The following ATP8A2 variants were observed in gnomAD, a reference collection of about 807,000 sequenced individuals.
ATP8A2 encodes the protein ATPase phospholipid transporting 8A2.
In ATP8A2, 100 loss-of-function variants were observed where a neutral mutation model predicts 165.6. The observed-to-expected ratio is 0.60, with a 90% confidence interval of 0.51 to 0.71. The LOEUF (loss-of-function observed/expected upper bound fraction) is 0.71. Among genes scored for constraint, ATP8A2 ranks in the 30% least tolerant of loss-of-function variants. The probability of loss-of-function intolerance (pLI) is 0.00; values close to 1 mark genes in which losing one functional copy is unlikely to be tolerated. For synonymous variants in ATP8A2, 543 were observed against 548.8 expected (o/e 0.99, Z 0.15); for missense variants, 1,227 against 1,479.5 (o/e 0.83, Z 2.80).
chr13:25,758,988 A>AAG (rs890421365), intron 25 of ATP8A2, among the ~76,000 whole-genome samples: 2 of 152,084 alleles, frequency 1.3e-5, no homozygotes, highest in Non-Finnish European at 2.9e-5. Context: ...AAGAGAGAGA[A>AAG]AGAGAGAGAG....
chr13:25,994,753 G>T (rs1436806258), intron 35 of ATP8A2, among the ~76,000 whole-genome samples: 1 of 151,948 alleles, frequency 6.6e-6, no homozygotes, highest in Non-Finnish European at 1.5e-5. Context: ...TGTAATTCTT[G>T]TTATATGTTG....
chr13:25,513,983 A>AGGGGGG (rs2037378843), intron 2 of ATP8A2, among the ~76,000 whole-genome samples: 1 of 17,530 alleles, frequency 5.7e-5, no homozygotes, highest in Non-Finnish European at 1.1e-4. Flanking sequence ...GGAGTGGGAG[A>AGGGGGG]GGGGGAGGGG....
At chr13:25,525,171 T>TA (rs969688365) in intron 2 of ATP8A2, among the ~76,000 whole-genome samples, 9 of 152,140 alleles carry the variant, frequency 5.9e-5, no homozygotes, top group African/African-American at 1.9e-4. Context: ...AACAATAAAC[T>TA]AAAAAAACCT....
intron 33 of ATP8A2, among the ~76,000 whole-genome samples, chr13:25,944,232 G>A (rs545494652): frequency 1.8e-4 from 27 of 152,322 alleles, no homozygotes; most frequent in Non-Finnish European, 5.9e-5. Flanking sequence ...TAAGAGCTGG[G>A]CGGGTGGCTC....
At chr13:25,417,085 T>G (rs2034153291) in intron 1 of ATP8A2, among the ~76,000 whole-genome samples, 1 of 152,166 alleles carries the variant, frequency 6.6e-6, no homozygotes, top group Non-Finnish European at 1.5e-5. Flanking sequence ...ATCAGAACTT[T>G]AATTATGAAG....
At chr13:25,840,942 C>A (rs905137043) in intron 30 of ATP8A2, among the ~76,000 whole-genome samples, 1 of 152,188 alleles carries the variant, frequency 6.6e-6, no homozygotes, top group African/African-American at 2.4e-5. Flanking sequence ...TCTGAAGACC[C>A]CTTACCACTT....
chr13:25,438,898 G>T (rs779191630), intron 1 of ATP8A2, among the ~76,000 whole-genome samples: 5 of 152,188 alleles, frequency 3.3e-5, no homozygotes, highest in Non-Finnish European at 7.3e-5. Context: ...AAGGATAAGA[G>T]AAAATAGGAG....
At chr13:25,838,081 A>AG (rs1320720490) in intron 29 of ATP8A2, among the ~76,000 whole-genome samples, 1 of 152,260 alleles carries the variant, frequency 6.6e-6, no homozygotes, top group Admixed American at 6.5e-5. Flanking sequence ...GTCTTTGCGC[A>AG]GGGGGGATTC....
intron 2 of ATP8A2, among the ~76,000 whole-genome samples, chr13:25,527,042 T>A (rs992979846): frequency 2.0e-5 from 3 of 152,138 alleles, no homozygotes; most frequent in Non-Finnish European, 4.4e-5. Context: ...TTTTTACTTC[T>A]CTGTGGCACT....
At position 25,399,927 on chromosome 13, in the gene ATP8A2, T is replaced by C. The variant is rs1593255905; in HGVS notation, c.76+27639T>C. Reference sequence around the variant, plus strand: ...TCTTCTCCTCCTTTTTCTTCTTCCTTTTCTCCTTCTCTTTCTCCTTTTTCC... The same window carrying C: ...TCTTCTCCTCCTTTTTCTTCTTCCTCTTCTCCTTCTCTTTCTCCTTTTTCC... On this transcript the variant is annotated intron_variant, in intron 1 of 36. Coordinates refer to ENST00000381655, the MANE Select transcript of ATP8A2 (RefSeq NM_016529.6). 4.3e-4 allele frequency among the ~76,000 whole-genome samples: 4 copies of C among 9,224 alleles called. No individual in the cohort carries two copies. In the East Asian group the frequency reaches 0.057, roughly 132 times the overall value. 6.1% of individuals were successfully genotyped at this position (9,224 alleles called of 152,430 possible).
intron 33 of ATP8A2, among the ~76,000 whole-genome samples, chr13:25,914,641 A>G (rs908510968): frequency 1.3e-5 from 2 of 152,118 alleles, no homozygotes; most frequent in Admixed American, 6.6e-5. Context: ...CTGCTCAACT[A>G]CAGCAGTTAC....
intron 2 of ATP8A2, among the ~76,000 whole-genome samples, chr13:25,517,386 T>G (rs538124377): frequency 3.9e-4 from 60 of 152,316 alleles, no homozygotes; most frequent in Non-Finnish European, 7.3e-4. Context: ...GCATGCTCAG[T>G]GGTCAAAATG....
chr13:25,493,589 CAG>C (rs2036588900), intron 2 of ATP8A2, among the ~76,000 whole-genome samples: 1 of 152,162 alleles, frequency 6.6e-6, no homozygotes, highest in Non-Finnish European at 1.5e-5. Flanking sequence ...GTTGATCTTG[CAG>C]AGTCTGTGGA....
At chr13:25,977,943 G>A (rs1956094937) in intron 35 of ATP8A2, among the ~76,000 whole-genome samples, 2 of 152,160 alleles carry the variant, frequency 1.3e-5, no homozygotes, top group African/African-American at 4.8e-5. Context: ...GTATTTCCAG[G>A]ATGACTTGAG....
intron 33 of ATP8A2, chr13:25,863,366 G>C (rs773374846): frequency 2.0e-5 from 3 of 152,530 alleles, no homozygotes; most frequent in Non-Finnish European, 4.4e-5. Context: ...AGGCCTGCCT[G>C]GTCCTCTCTC....
chr13:25,686,957 G>C (rs145461678), intron 24 of ATP8A2, among the ~76,000 whole-genome samples: 5 of 152,242 alleles, frequency 3.3e-5, no homozygotes, highest in African/African-American at 7.2e-5. Context: ...TTGGAGTTTT[G>C]TGCACAGCTG....
chr13:25,456,948 T>C (rs1234082602), intron 1 of ATP8A2, among the ~76,000 whole-genome samples: 1 of 152,146 alleles, frequency 6.6e-6, no homozygotes, highest in Non-Finnish European at 1.5e-5. Flanking sequence ...ACCCATAAAA[T>C]ACACTAACAC....
At chr13:25,818,360 A>G (rs1951080881) in intron 27 of ATP8A2, among the ~76,000 whole-genome samples, 1 of 152,218 alleles carries the variant, frequency 6.6e-6, no homozygotes, top group African/African-American at 2.4e-5. Context: ...AAGTATCAGT[A>G]ATATAATAAG....
chr13:25,968,019 G>A (rs1426073375), intron 34 of ATP8A2, among the ~76,000 whole-genome samples: 2 of 152,192 alleles, frequency 1.3e-5, no homozygotes, highest in Non-Finnish European at 2.9e-5. Context: ...CTGGATTTGT[G>A]TTGACTCCAC....
Sources: allele counts gnomAD v4.1 joint callset (sites outside exome capture counted in the v4.1 genomes callset), GRCh38; gene constraint gnomAD v4.1.1; transcripts MANE v1.5; gene names NCBI Gene and HGNC (gene_info 2026-07-23, HGNC 2026-07-21).